ZC4H2: variants seen among roughly 807,000 people sequenced by gnomAD.
ZC4H2 encodes the protein zinc finger C4H2 domain-containing protein.
For synonymous variants in ZC4H2, 84 were observed against 66.3 expected, an observed-to-expected ratio of 1.27 and a Z score of -1.30; for missense variants, 137 against 173.9, an observed-to-expected ratio of 0.79 and a Z score of 1.19.
intron 1 of ZC4H2, among the ~76,000 whole-genome samples, chrX:65,023,286 A>C (rs758063177): frequency 6.3e-5 from 7 of 111,861 alleles, no homozygotes; most frequent in African/African-American, 2.3e-4. Context: ...TAAATATACA[A>C]TCATGGCATC....
intron 1 of ZC4H2, among the ~76,000 whole-genome samples, chrX:64,926,935 A>G (rs1602386527): frequency 9.0e-6 from 1 of 111,347 alleles, no homozygotes; most frequent in East Asian, 2.8e-4. Flanking sequence ...TCCCCTATAT[A>G]CACTGAGGGA....
chrX:64,935,384 T>G (rs1331590260), intron 1 of ZC4H2, among the ~76,000 whole-genome samples: 1 of 112,048 alleles, frequency 8.9e-6, no homozygotes, highest in Non-Finnish European at 1.9e-5. Context: ...GAAGGGGCAG[T>G]GGTGGACACA....
At chrX:64,942,406 G>T (rs1353987628) in intron 1 of ZC4H2, among the ~76,000 whole-genome samples, 1 of 109,476 alleles carries the variant, frequency 9.1e-6, no homozygotes, top group African/African-American at 3.3e-5. Context: ...GTGCAGGTTT[G>T]TGCCAAGGTG....
At position 64,935,445 on chromosome X, in the gene ZC4H2, G is replaced by A. The variant is rs1291369219; in HGVS notation, c.54-13457C>T. 3.2e-4 allele frequency among the ~76,000 whole-genome samples: 36 copies of A among 111,956 alleles called. No individual in the cohort carries two copies. In the Admixed American group the frequency reaches 3.4e-3, roughly 11 times the overall value. ...TGTGACAGCTCTGAAGAGAGCAGTG[G>A]ACCTCCCAGCACAGCATTCAAGCTC... On this transcript the variant is annotated intron_variant, in intron 1 of 4. Transcript: ENST00000374839.
chrX:64,954,133 G>C (rs1180128955), intron 1 of ZC4H2, among the ~76,000 whole-genome samples: 1 of 103,038 alleles, frequency 9.7e-6, no homozygotes, highest in South Asian at 4.4e-4. Flanking sequence ...TCACATGGAC[G>C]CAGGAAGGGG....
chrX:64,946,848 C>A (rs182087756), intron 1 of ZC4H2, among the ~76,000 whole-genome samples: 74 of 111,325 alleles, frequency 6.6e-4, no homozygotes, highest in Non-Finnish European at 1.2e-3. Flanking sequence ...TCATTGATTT[C>A]TGTTCTTACC....
intron 1 of ZC4H2, among the ~76,000 whole-genome samples, chrX:64,958,787 C>G: frequency 9.0e-6 from 1 of 111,393 alleles, no homozygotes; most frequent in Non-Finnish European, 1.9e-5. Context: ...TGCATAAGGG[C>G]TCTTGTATCT....
chrX:64,949,308 C>G (rs1460506761), intron 1 of ZC4H2, among the ~76,000 whole-genome samples: 1 of 112,075 alleles, frequency 8.9e-6, no homozygotes, highest in Non-Finnish European at 1.9e-5. Flanking sequence ...GTTTGGAAAG[C>G]TAAGGTTTCT....
At chrX:65,016,138 C>T (rs1462794946) in intron 1 of ZC4H2, among the ~76,000 whole-genome samples, 1 of 111,275 alleles carries the variant, frequency 9.0e-6, no homozygotes. Context: ...ATACCCATTC[C>T]CCTTTTCTTT....
chrX:64,995,616 T>C (rs779110235), intron 1 of ZC4H2, among the ~76,000 whole-genome samples: 19 of 112,515 alleles, frequency 1.7e-4, no homozygotes, highest in Admixed American at 3.7e-4. Context: ...TGCCTTGGCC[T>C]CCCAAAGTGC....
chrX:64,981,527 G>A (rs1477483236), intron 1 of ZC4H2, among the ~76,000 whole-genome samples: 3 of 110,885 alleles, frequency 2.7e-5, no homozygotes, highest in African/African-American at 9.9e-5. Flanking sequence ...CGGAGGGCGA[G>A]ATAAGGCATC....
At chrX:64,928,636 CTTCTTCTT>C (rs1929548278) in intron 1 of ZC4H2, among the ~76,000 whole-genome samples, 2 of 44,859 alleles carry the variant, frequency 4.5e-5, no homozygotes, top group African/African-American at 1.1e-4. Context: ...CTTTCTCCTT[CTTCTTCTT>C]CTTCTTCTTC....
At chrX:65,003,839 T>G (rs1004397304) in intron 1 of ZC4H2, among the ~76,000 whole-genome samples, 2 of 107,264 alleles carry the variant, frequency 1.9e-5, no homozygotes, top group African/African-American at 3.4e-5. Context: ...ATCGCACCAC[T>G]GCACTCCAGC....
intron 1 of ZC4H2, among the ~76,000 whole-genome samples, chrX:64,985,429 C>T (rs1483820151): frequency 1.8e-5 from 2 of 111,351 alleles, no homozygotes; most frequent in East Asian, 2.8e-4. Flanking sequence ...TGCATTTCTC[C>T]GATTATTTCT....
At chrX:65,030,490 C>A (rs748684315) in intron 1 of ZC4H2, among the ~76,000 whole-genome samples, 1 of 112,027 alleles carries the variant, frequency 8.9e-6, no homozygotes, top group African/African-American at 3.2e-5. Flanking sequence ...TATTTCCAAT[C>A]CTATATCCTC....
intron 1 of ZC4H2, among the ~76,000 whole-genome samples, chrX:65,028,064 G>A (rs1932897734): frequency 1.8e-5 from 2 of 111,310 alleles, no homozygotes; most frequent in South Asian, 7.6e-4. Context: ...TGAGTGAAGT[G>A]CAGTTATAAT....
intron 1 of ZC4H2, among the ~76,000 whole-genome samples, chrX:64,946,023 G>A (rs934771501): frequency 3.6e-5 from 4 of 111,129 alleles, no homozygotes; most frequent in Non-Finnish European, 7.5e-5. Flanking sequence ...GGCTCTGTGG[G>A]GGTGGGACCT....
intron 1 of ZC4H2, among the ~76,000 whole-genome samples, chrX:65,034,190 C>T (rs1292300613): frequency 9.0e-6 from 1 of 111,110 alleles, no homozygotes; most frequent in Admixed American, 9.5e-5. Flanking sequence ...ATTCTCTAAG[C>T]CAGAAGGAAG....
intron 1 of ZC4H2, chrX:64,922,290 G>T (rs1929239591): frequency 4.1e-6 from 1 of 242,520 alleles, no homozygotes; most frequent in South Asian, 1.7e-4. Context: ...AAAAGAAAAA[G>T]AAAAAGAAAA....
Sources: allele counts gnomAD v4.1 joint callset (sites outside exome capture counted in the v4.1 genomes callset), GRCh38; gene constraint gnomAD v4.1.1; transcripts MANE v1.5; gene names NCBI Gene and HGNC (gene_info 2026-07-23, HGNC 2026-07-21).